The following SLIT3 variants were observed in gnomAD, a reference collection of about 807,000 sequenced individuals.
SLIT3 encodes slit guidance ligand 3.
In SLIT3, 68 loss-of-function variants were observed where a neutral mutation model predicts 184.0. The observed-to-expected ratio is 0.37, with a 90% CI of 0.30 to 0.45. The LOEUF (loss-of-function observed/expected upper bound fraction) is 0.45, where lower values mean the gene tolerates loss of function less well. Ranked by LOEUF, SLIT3 falls within the 20% of genes least tolerant of loss-of-function variation. The pLI is 1.00. For synonymous variants in SLIT3, 831 were observed against 828.6 expected (o/e 1.00, Z -0.05); for missense variants, 1,707 against 2,026.0 (o/e 0.84, Z 3.02).
intron 3 of SLIT3, among the ~76,000 whole-genome samples, chr5:169,239,834 T>A (rs984536030): frequency 2.0e-5 from 3 of 152,068 alleles, no homozygotes; most frequent in African/African-American, 7.2e-5. Context: ...AGGAGGATAT[T>A]TTAATCAAGA....
chr5:168,826,534 C>T (rs192455946), intron 6 of SLIT3, among the ~76,000 whole-genome samples: 3 of 152,288 alleles, frequency 2.0e-5, no homozygotes, highest in East Asian at 3.9e-4. Context: ...GCATGGACCT[C>T]GAAGGCAGAG....
intron 4 of SLIT3, chr5:169,024,827 G>A (rs548900648): frequency 1.3e-5 from 2 of 152,362 alleles, no homozygotes; most frequent in African/African-American, 2.4e-5. Context: ...GGCAGAAAGA[G>A]GAGACATTGG....
intron 4 of SLIT3, among the ~76,000 whole-genome samples, chr5:168,973,240 T>G (rs1754639235): frequency 7.5e-6 from 1 of 133,554 alleles, no homozygotes; most frequent in Non-Finnish European, 1.7e-5. Flanking sequence ...CATTGAAAAT[T>G]TTAATTATTA....
At chr5:168,806,676 G>A (rs1468000962) in intron 8 of SLIT3, 89 bp from the exon 9 acceptor site, 22 of 1,470,122 alleles carry the variant, frequency 1.5e-5, no homozygotes, top group African/African-American at 2.8e-5. Flanking sequence ...TAAGGGCAAA[G>A]CATGACCTGA....
At chr5:168,673,404 A>G in intron 32 of SLIT3, 73 bp from the exon 33 acceptor site, 2 of 1,372,102 alleles carry the variant, frequency 1.5e-6, no homozygotes, top group African/African-American at 1.5e-5. Flanking sequence ...TGTGCTGTGG[A>G]CTTGACCTGC....
At chr5:168,673,598 T>C (rs1761320974) in intron 32 of SLIT3, among the ~76,000 whole-genome samples, 1 of 152,240 alleles carries the variant, frequency 6.6e-6, no homozygotes, top group African/African-American at 2.4e-5. Context: ...AAAGGTAAGT[T>C]ACATACATTA....
intron 3 of SLIT3, among the ~76,000 whole-genome samples, chr5:169,212,977 G>T (rs898100876): frequency 6.6e-6 from 1 of 152,126 alleles, no homozygotes; most frequent in Non-Finnish European, 1.5e-5. Flanking sequence ...TATTTCTGAG[G>T]CCTCTGTTCT....
chr5:168,745,535 C>T (rs1169258719), intron 20 of SLIT3, among the ~76,000 whole-genome samples: 1 of 152,050 alleles, frequency 6.6e-6, no homozygotes, highest in Non-Finnish European at 1.5e-5. Flanking sequence ...CCTCAGCCTC[C>T]CCAGTAGCTG....
intron 4 of SLIT3, among the ~76,000 whole-genome samples, chr5:169,087,921 C>T (rs904035402): frequency 2.6e-5 from 4 of 152,188 alleles, no homozygotes; most frequent in African/African-American, 7.2e-5. Flanking sequence ...TGTAGACCAA[C>T]ATATTGAGTT....
intron 6 of SLIT3, among the ~76,000 whole-genome samples, chr5:168,826,422 A>G (rs1020436263): frequency 3.3e-5 from 5 of 152,176 alleles, no homozygotes; most frequent in Non-Finnish European, 7.3e-5. Flanking sequence ...TTGCCCACAC[A>G]CAGAGTACTG....
At chr5:168,846,436 G>A (rs972007866) in intron 5 of SLIT3, among the ~76,000 whole-genome samples, 32 of 151,992 alleles carry the variant, frequency 2.1e-4, no homozygotes, top group Non-Finnish European at 1.2e-4. Flanking sequence ...TGTTGGGGCC[G>A]CCGACTCCCT....
intron 23 of SLIT3, chr5:168,720,603 G>A (rs1762912327): frequency 1.3e-5 from 2 of 152,314 alleles, no homozygotes; most frequent in Non-Finnish European, 2.9e-5. Flanking sequence ...GGGGGAGCAG[G>A]TCCGGCTTCA....
chr5:168,873,653 C>T (rs1759621227), intron 5 of SLIT3, among the ~76,000 whole-genome samples: 1 of 152,096 alleles, frequency 6.6e-6, no homozygotes, highest in African/African-American at 2.4e-5. Flanking sequence ...TAAGATAATA[C>T]ACGTGAAGGC....
chr5:169,291,183 G>C (rs1767353490), intron 1 of SLIT3, among the ~76,000 whole-genome samples: 1 of 152,158 alleles, frequency 6.6e-6, no homozygotes, highest in Admixed American at 6.5e-5. Flanking sequence ...GTTGGAACAA[G>C]ACCTGATGCC....
chr5:168,851,160 G>A (rs922779736), intron 5 of SLIT3, among the ~76,000 whole-genome samples: 1 of 151,844 alleles, frequency 6.6e-6, no homozygotes. Context: ...GATCTCTACT[G>A]AAAATACAAA....
intron 4 of SLIT3, among the ~76,000 whole-genome samples, chr5:169,082,537 C>T (rs1279282893): frequency 6.6e-6 from 1 of 152,152 alleles, no homozygotes; most frequent in Non-Finnish European, 1.5e-5. Flanking sequence ...ATTCTTCCCA[C>T]CCCAATGCCT....
chr5:169,053,059 AAAG>A (rs1370117359), intron 4 of SLIT3, among the ~76,000 whole-genome samples: 3 of 152,330 alleles, frequency 2.0e-5, no homozygotes, highest in Middle Eastern at 3.4e-3. Flanking sequence ...TATGAGGGCC[AAAG>A]AAGAAGGTGT....
chr5:168,941,535 T>A (rs76807959), intron 4 of SLIT3, among the ~76,000 whole-genome samples: 2,070 of 152,312 alleles, frequency 0.014, 60 homozygotes, highest in East Asian at 0.13. Context: ...CGTACCTAAG[T>A]ATTGAAGAAC....
intron 4 of SLIT3, among the ~76,000 whole-genome samples, chr5:169,084,995 A>G (rs984682822): frequency 6.6e-6 from 1 of 152,302 alleles, no homozygotes; most frequent in South Asian, 2.1e-4. Flanking sequence ...GCTATCAACA[A>G]CAACAACCTA....
Sources: allele counts gnomAD v4.1 joint callset (sites outside exome capture counted in the v4.1 genomes callset), GRCh38; gene constraint gnomAD v4.1.1; transcripts MANE v1.5; gene names NCBI Gene and HGNC (gene_info 2026-07-23, HGNC 2026-07-21).